NEGR1: variants seen among roughly 807,000 people sequenced by gnomAD.
The protein encoded by NEGR1 is IgLON family member 4.
A neutral mutation model predicts 40.9 loss-of-function variants in NEGR1; 10 were observed. That is an observed-to-expected ratio of 0.24 (90% CI 0.15 to 0.42). The LOEUF (loss-of-function observed/expected upper bound fraction) is 0.42. NEGR1 is among the 10% of genes least tolerant of loss of function. The pLI is 1.00. For synonymous variants in NEGR1, 185 were observed against 166.8 expected (o/e 1.11, Z -0.84); for missense variants, 352 against 438.9 (o/e 0.80, Z 1.77).
At chr1:71,966,654 TAGA>T (rs1378082941) in intron 1 of NEGR1, among the ~76,000 whole-genome samples, 2 of 152,136 alleles carry the variant, frequency 1.3e-5, no homozygotes, top group Non-Finnish European at 2.9e-5. Flanking sequence ...GTGAAGTGCA[TAGA>T]AGATCTCAAA....
chr1:71,887,246 G>A (rs1247994560), intron 2 of NEGR1, among the ~76,000 whole-genome samples: 1 of 152,158 alleles, frequency 6.6e-6, no homozygotes, highest in Non-Finnish European at 1.5e-5. Context: ...AGGAGGAGGA[G>A]GAAGGGGAGG....
At chr1:72,017,603 T>C (rs900017600) in intron 1 of NEGR1, among the ~76,000 whole-genome samples, 1 of 152,114 alleles carries the variant, frequency 6.6e-6, no homozygotes, top group Non-Finnish European at 1.5e-5. Context: ...ACTGGCATTA[T>C]ACTGCAGAAT....
intron 2 of NEGR1, among the ~76,000 whole-genome samples, chr1:71,797,424 A>G (rs1657380406): frequency 1.3e-5 from 2 of 152,152 alleles, no homozygotes; most frequent in Admixed American, 1.3e-4. Context: ...ATCTAAGGCC[A>G]CAGAATTTGC....
intron 1 of NEGR1, among the ~76,000 whole-genome samples, chr1:71,993,775 T>TC (rs1187105357): frequency 1.3e-5 from 2 of 152,134 alleles, no homozygotes; most frequent in Non-Finnish European, 2.9e-5. Flanking sequence ...AATAAAGAAT[T>TC]CCCTCCAAGT....
intron 1 of NEGR1, among the ~76,000 whole-genome samples, chr1:72,136,203 G>A (rs988515755): frequency 5.3e-5 from 8 of 152,072 alleles, no homozygotes; most frequent in Non-Finnish European, 8.8e-5. Context: ...AAAATGTTAG[G>A]ATGAGAAAGC....
chr1:71,959,037 T>C (rs1371394238), intron 1 of NEGR1, among the ~76,000 whole-genome samples: 1 of 152,040 alleles, frequency 6.6e-6, no homozygotes, highest in Non-Finnish European at 1.5e-5. Flanking sequence ...CCAAACATAG[T>C]CATCTTTTGC....
intron 1 of NEGR1, among the ~76,000 whole-genome samples, chr1:72,021,784 G>A (rs766552372): frequency 6.6e-6 from 1 of 152,110 alleles, no homozygotes; most frequent in Non-Finnish European, 1.5e-5. Context: ...GTTTTGACAG[G>A]CAAATTCTAT....
At chr1:71,485,192 A>G (rs1191720042) in intron 6 of NEGR1, among the ~76,000 whole-genome samples, 1 of 148,794 alleles carries the variant, frequency 6.7e-6, no homozygotes, top group Non-Finnish European at 1.5e-5. Flanking sequence ...AGGCAAATTC[A>G]CCCTATTTCT....
chr1:71,477,645 C>T (rs954338829), intron 6 of NEGR1, among the ~76,000 whole-genome samples: 1 of 152,016 alleles, frequency 6.6e-6, no homozygotes, highest in East Asian at 1.9e-4. Flanking sequence ...GTTTAGTTAG[C>T]TGTGGTTGAT....
At chr1:72,126,951 G>T (rs1362036334) in intron 1 of NEGR1, among the ~76,000 whole-genome samples, 1 of 152,070 alleles carries the variant, frequency 6.6e-6, no homozygotes, top group Admixed American at 6.5e-5. Context: ...GATTATACTG[G>T]TCTGCACACA....
At chr1:72,026,263 G>A (rs191980687) in intron 1 of NEGR1, among the ~76,000 whole-genome samples, 9 of 151,810 alleles carry the variant, frequency 5.9e-5, no homozygotes, top group Non-Finnish European at 1.2e-4. Flanking sequence ...GGAAGAAATG[G>A]AAATACAAAA....
chr1:71,660,313 T>C (rs1213893453), intron 4 of NEGR1, among the ~76,000 whole-genome samples: 1 of 151,910 alleles, frequency 6.6e-6, no homozygotes, highest in Non-Finnish European at 1.5e-5. Context: ...CAACACACAT[T>C]GGGGTCTGCT....
intron 4 of NEGR1, among the ~76,000 whole-genome samples, chr1:71,627,802 G>T (rs747478306): frequency 2.4e-4 from 37 of 152,034 alleles, no homozygotes; most frequent in Non-Finnish European, 4.0e-4. Flanking sequence ...CTATGGGTCT[G>T]CCTTGAAGAG....
intron 2 of NEGR1, among the ~76,000 whole-genome samples, chr1:71,848,531 A>G (rs1659496139): frequency 2.0e-5 from 3 of 152,226 alleles, no homozygotes; most frequent in Non-Finnish European, 2.9e-5. Flanking sequence ...TGCTCCATAA[A>G]GGAAACAACA....
chr1:72,027,419 C>T (rs972535595), intron 1 of NEGR1, among the ~76,000 whole-genome samples: 5 of 151,712 alleles, frequency 3.3e-5, no homozygotes, highest in African/African-American at 1.2e-4. Context: ...TATGATAGAT[C>T]TATTAGCTCA....
At chr1:72,275,537 A>C (rs1557609925) in intron 1 of NEGR1, among the ~76,000 whole-genome samples, 1 of 152,120 alleles carries the variant, frequency 6.6e-6, no homozygotes, top group African/African-American at 2.4e-5. Flanking sequence ...GACAATCTTT[A>C]ATCTATCAGC....
At chr1:71,519,749 A>C (rs1257912173) in intron 6 of NEGR1, among the ~76,000 whole-genome samples, 1 of 150,200 alleles carries the variant, frequency 6.7e-6, no homozygotes. Flanking sequence ...AAAAAATTAA[A>C]AAAAAACAAA....
At chr1:72,246,158 C>T (rs1050694669) in intron 1 of NEGR1, among the ~76,000 whole-genome samples, 15 of 151,124 alleles carry the variant, frequency 9.9e-5, no homozygotes, top group African/African-American at 3.6e-4. Flanking sequence ...ATAACCTAAA[C>T]TAATAATTTT....
intron 4 of NEGR1, among the ~76,000 whole-genome samples, chr1:71,695,796 A>G (rs1361440550): frequency 6.6e-6 from 1 of 151,834 alleles, no homozygotes; most frequent in Non-Finnish European, 1.5e-5. Flanking sequence ...AGTTCTCCCT[A>G]TGGAGTAAAG....
Sources: gnomAD v4.1 joint callset for allele counts (sites outside exome capture counted in the v4.1 genomes callset) on GRCh38, gnomAD v4.1.1 for gene constraint, MANE v1.5 for transcripts, NCBI Gene and HGNC (gene_info 2026-07-23, HGNC 2026-07-21) for gene names.